The following OCA2 variants were observed in gnomAD, a reference collection of about 807,000 sequenced individuals.
OCA2 encodes P protein.
OCA2 carries 77 observed loss-of-function variants against 100.2 expected under a neutral mutation model. The ratio of observed to expected loss-of-function variants is 0.77; its 90% CI spans 0.64 to 0.93. OCA2 has a LOEUF of 0.93. Ranked by LOEUF, OCA2 falls within the 40% of genes least tolerant of loss-of-function variation. The pLI is 0.00. For missense variants in OCA2, 1,062 were observed against 1,089.1 expected (o/e 0.98, Z 0.35); for synonymous variants, 432 against 439.2 (o/e 0.98, Z 0.21).
At chr15:28,004,692 ACT>A in intron 9 of OCA2, among the ~76,000 whole-genome samples, 2 of 151,836 alleles carry the variant, frequency 1.3e-5, no homozygotes, top group East Asian at 3.9e-4. Flanking sequence ...TCACACGCTG[ACT>A]CACACACTAA....
intron 9 of OCA2, among the ~76,000 whole-genome samples, chr15:27,994,333 C>T (rs1431979276): frequency 1.3e-5 from 2 of 152,166 alleles, no homozygotes; most frequent in African/African-American, 4.8e-5. Flanking sequence ...TGATGTCCCA[C>T]CCCACGGTCC....
At chr15:28,083,058 T>C (rs1433064468) in intron 1 of OCA2, among the ~76,000 whole-genome samples, 1 of 152,214 alleles carries the variant, frequency 6.6e-6, no homozygotes, top group Non-Finnish European at 1.5e-5. Flanking sequence ...GCAGGATGTC[T>C]GGCGCTGAGA....
At chr15:27,834,454 C>G (rs1485219761) in intron 23 of OCA2, among the ~76,000 whole-genome samples, 1 of 152,158 alleles carries the variant, frequency 6.6e-6, no homozygotes, top group African/African-American at 2.4e-5. Context: ...AACATGCTTT[C>G]CTGAGTTCTC....
intron 2 of OCA2, among the ~76,000 whole-genome samples, chr15:28,048,297 C>T (rs771579411): frequency 7.9e-5 from 12 of 152,296 alleles, no homozygotes; most frequent in Middle Eastern, 3.4e-3. Context: ...CCAAAACAAT[C>T]TTGACAAAGA....
At chr15:27,726,941 G>A in the OCA2 span, among the ~76,000 whole-genome samples, 9 of 152,300 alleles carry the variant, frequency 5.9e-5, no homozygotes, top group East Asian at 1.7e-3. Flanking sequence ...GCTGCACATG[G>A]CAGAAGCTAA....
chr15:27,869,288 G>T (rs2036449635), intron 21 of OCA2, among the ~76,000 whole-genome samples: 1 of 152,226 alleles, frequency 6.6e-6, no homozygotes, highest in Non-Finnish European at 1.5e-5. Context: ...CCACTGCAGA[G>T]ATGGATGGGA....
intron 21 of OCA2, among the ~76,000 whole-genome samples, chr15:27,863,415 T>C (rs2036208591): frequency 6.6e-6 from 1 of 152,166 alleles, no homozygotes. Flanking sequence ...GCACAAGTCC[T>C]CCTGATGGGC....
At chr15:27,730,620 A>C in the OCA2 span, among the ~76,000 whole-genome samples, 2 of 151,562 alleles carry the variant, frequency 1.3e-5, no homozygotes, top group African/African-American at 4.9e-5. Context: ...TCCTACAGCT[A>C]TCTAGGGTCT....
At chr15:27,876,516 GTAT>G (rs1280547021) in intron 19 of OCA2, among the ~76,000 whole-genome samples, 1 of 151,920 alleles carries the variant, frequency 6.6e-6, no homozygotes, top group East Asian at 1.9e-4. Context: ...TATAGGATTG[GTAT>G]TATTTCTTAC....
intron 21 of OCA2, among the ~76,000 whole-genome samples, chr15:27,870,220 A>T (rs1484176920): frequency 6.6e-6 from 1 of 152,130 alleles, no homozygotes; most frequent in East Asian, 1.9e-4. Context: ...CTTGCATGGG[A>T]TGTTCCCTGC....
intron 4 of OCA2, among the ~76,000 whole-genome samples, chr15:28,026,896 C>A (rs541442713): frequency 7.7e-4 from 117 of 152,324 alleles, no homozygotes; most frequent in African/African-American, 2.7e-3. Context: ...AGGGCTTTCA[C>A]ACATATTATC....
chr15:27,721,265 G>A, the OCA2 span, among the ~76,000 whole-genome samples: 2 of 152,160 alleles, frequency 1.3e-5, no homozygotes, highest in Non-Finnish European at 2.9e-5. Flanking sequence ...CACTTTGGGA[G>A]GCTGAGGTAA....
chr15:27,832,455 C>T (rs567712182), intron 23 of OCA2, among the ~76,000 whole-genome samples: 2 of 152,348 alleles, frequency 1.3e-5, no homozygotes, highest in East Asian at 1.9e-4. Flanking sequence ...AGTCTCCCTC[C>T]CCCGGGTGCC....
intron 23 of OCA2, among the ~76,000 whole-genome samples, chr15:27,800,736 G>A (rs896476677): frequency 6.6e-6 from 1 of 151,740 alleles, no homozygotes; most frequent in African/African-American, 2.4e-5. Flanking sequence ...AGGCCGAGGT[G>A]GACAGATTGC....
chr15:28,078,498 G>A (rs2044507514), intron 2 of OCA2, among the ~76,000 whole-genome samples: 1 of 152,162 alleles, frequency 6.6e-6, no homozygotes, highest in Admixed American at 6.5e-5. Flanking sequence ...TGCCCAGATG[G>A]AGTGGGCCCC....
chr15:28,060,723 C>G (rs1383203423), intron 2 of OCA2, among the ~76,000 whole-genome samples: 1 of 152,224 alleles, frequency 6.6e-6, no homozygotes, highest in African/African-American at 2.4e-5. Flanking sequence ...TGCTCTACTG[C>G]CATATCCCTT....
intron 23 of OCA2, among the ~76,000 whole-genome samples, chr15:27,774,156 C>T (rs2032050324): frequency 6.6e-6 from 1 of 152,198 alleles, no homozygotes; most frequent in South Asian, 2.1e-4. Context: ...AATAAACAGG[C>T]TTGTAGACTG....
intron 19 of OCA2, among the ~76,000 whole-genome samples, chr15:27,897,141 G>A (rs2037732766): frequency 6.7e-6 from 1 of 150,234 alleles, no homozygotes; most frequent in South Asian, 2.1e-4. Context: ...AGTGAGACGA[G>A]ACGGTGCCAC....
At chr15:27,894,270 T>C (rs1367270292) in intron 19 of OCA2, among the ~76,000 whole-genome samples, 1 of 152,208 alleles carries the variant, frequency 6.6e-6, no homozygotes, top group African/African-American at 2.4e-5. Context: ...TACTGTTCCA[T>C]GTCCACCACC....
Sources: gnomAD v4.1 joint callset for allele counts (sites outside exome capture counted in the v4.1 genomes callset) on GRCh38, gnomAD v4.1.1 for gene constraint, MANE v1.5 for transcripts, NCBI Gene and HGNC (gene_info 2026-07-23, HGNC 2026-07-21) for gene names.